ZBED4: variants seen among roughly 807,000 people sequenced by gnomAD.
The protein encoded by ZBED4 is zinc finger BED-type containing 4, also known as zinc finger BED domain-containing protein 4.
In ZBED4, 4 loss-of-function variants were observed where a neutral mutation model predicts 15.5. That is an observed-to-expected ratio of 0.26 (90% confidence interval 0.13 to 0.59). ZBED4 has a LOEUF of 0.59. Among genes scored for constraint, ZBED4 ranks in the 20% least tolerant of loss-of-function variants. The pLI, the probability that ZBED4 is intolerant of heterozygous loss-of-function variation, is 0.90. For synonymous variants in ZBED4, 692 were observed against 608.5 expected (o/e 1.14, Z -2.02); for missense variants, 1,323 against 1,461.8 (o/e 0.91, Z 1.55).
Position 49,888,402 on chromosome 22 carries a change from T to A in ZBED4, c.*1224T>A, listed in dbSNP as rs1332210272. On this transcript the variant is annotated 3_prime_UTR_variant, in exon 2 of 2. Transcript: ENST00000216268. ...TATGTTTTAGTGTATTTATAAATGG[T>A]GAACTCAGTTTCTGAAATTAAACTT... The A allele has an allele frequency of 6.0e-6, 1 of 167,264 alleles. No individual in the cohort carries two copies. Among genetic ancestry groups the A allele is most frequent in the Non-Finnish European group, 1.5e-5 (1 of 68,128 alleles). The allele number at this position is 167,264 out of a possible 1,614,324, so 10.4% of individuals were successfully genotyped here.
chr22:49,868,957 C>A (rs946049584), intron 1 of ZBED4, among the ~76,000 whole-genome samples: 73 of 131,602 alleles, frequency 5.5e-4, no homozygotes, highest in South Asian at 5.0e-4. Context: ...ACTAAAAATA[C>A]AAAAAAAAAA....
intron 1 of ZBED4, among the ~76,000 whole-genome samples, chr22:49,880,233 T>G (rs530993430): frequency 6.6e-6 from 1 of 152,274 alleles, no homozygotes; most frequent in East Asian, 1.9e-4. Flanking sequence ...CTGCTTGCTG[T>G]TCACTCTTGG....
chr22:49,886,226 A>C lies in ZBED4; in HGVS notation c.2564A>C (p.Lys855Thr). 1.1e-6 allele frequency: 1 copy of C among 884,100 alleles called. No individual in the cohort carries two copies. Among genetic ancestry groups the C allele is most frequent in the Non-Finnish European group, 1.8e-6 (1 of 547,214 alleles). 54.8% of individuals were successfully genotyped at this position (884,100 alleles called of 1,614,324 possible). The change falls in exon 2 of 2, where the codon AAG becomes ACG. Residue 855 changes from lysine (K) to threonine (T), a missense_variant. This residue lies in a region of ZBED4 where 100 missense variants were observed against 79.3 expected (regional missense o/e 1.26). Transcript: ENST00000216268. The surrounding 1 kb of genome is among the most constrained non-coding windows in gnomAD (Gnocchi z 7.7). The part of the protein sequence containing the change: ...MVQNLLSLAR[K>T]ICERVHRSPK... ...CAGAACCTGCTGAGCCTCGCCCGGA[A>C]GATCTGCGAGCGGGTGCACCGGTCG...
chr22:49,859,439 G>A (rs1050570865), intron 1 of ZBED4, among the ~76,000 whole-genome samples: 2 of 152,182 alleles, frequency 1.3e-5, no homozygotes, highest in South Asian at 2.1e-4. Flanking sequence ...TGGCCCCTGT[G>A]TCCTTTTCAC....
chr22:49,886,515 G>A lies in ZBED4; in HGVS notation c.2853G>A (p.Met951Ile), dbSNP rs2060440044. ...CGAGCCGGGAGATGAGCACGCAGAT[G>A]TCCACCCTCAGCCAGGTCATCCCCA... is the stretch of plus-strand genomic sequence containing the variant. ...EAASREMSTQ[M>I]STLSQVIPMV... Residue 951 changes from methionine to isoleucine, a missense_variant, in exon 2 of 2, where the codon ATG (methionine) becomes ATA (isoleucine). Around this residue, in one of 6 missense-constraint regions of ZBED4, gnomAD observed 312 missense variants for 410.7 expected, o/e 0.76. Transcript: ENST00000216268. This position sits in a 1 kb window ranked among gnomAD's most constrained non-coding sequence, Gnocchi z 7.7. The A allele has an allele frequency of 1.3e-6, 2 of 1,569,504 alleles. No homozygotes were observed. Among genetic ancestry groups the A allele is most frequent in the African/African-American group, 1.3e-5 (1 of 74,142 alleles).
chr22:49,869,684 C>T lies in ZBED4; in HGVS notation c.-329-13650C>T, dbSNP rs183620078. ...GCTTTCATGGAAATAATCTGATATACGTAAAAGTGGAAAGGGTAGCATAAT... is the reference window on the plus strand; with the variant it reads ...GCTTTCATGGAAATAATCTGATATATGTAAAAGTGGAAAGGGTAGCATAAT... On this transcript the variant is annotated intron_variant, in intron 1 of 1. Coordinates refer to ENST00000216268, the MANE Select transcript of ZBED4 (RefSeq NM_014838.3). 7.9e-4 allele frequency among the ~76,000 whole-genome samples: 120 copies of T among 152,192 alleles called. 1 individual carries two copies. Among genetic ancestry groups the T allele is most frequent in the African/African-American group, 2.7e-3 (114 of 41,502 alleles).
chr22:49,871,036 G>T (rs2060344789), intron 1 of ZBED4, among the ~76,000 whole-genome samples: 1 of 151,160 alleles, frequency 6.6e-6, no homozygotes, highest in Admixed American at 6.6e-5. Context: ...CATCTCCAGG[G>T]TTCAAGCAAT....
chr22:49,854,165 A>C (rs1225791820), intron 1 of ZBED4, among the ~76,000 whole-genome samples, 176 bp downstream of exon 1: 1 of 141,312 alleles, frequency 7.1e-6, no homozygotes. Flanking sequence ...GCCGCCCCGG[A>C]CCCGCCCCCG....
rs116457778 is a variant in ZBED4 at position 49,874,242 on chromosome 22, G to A, written c.-329-9092G>A. ...GGGAGCTGCACTGTTTCCCGGATGC[G>A]TCTCATAAGGCTGAAGATGTTTCCT... On this transcript the variant is annotated intron_variant, in intron 1 of 1. Transcript: ENST00000216268. Among the ~76,000 whole-genome samples the A allele has an allele frequency of 3.9e-3, 591 of 152,320 alleles. 4 individuals carry two copies. Among genetic ancestry groups the A allele is most frequent in the African/African-American group, 0.013 (527 of 41,566 alleles).
At chr22:49,872,601 C>G (rs544128272) in intron 1 of ZBED4, among the ~76,000 whole-genome samples, 17 of 152,336 alleles carry the variant, frequency 1.1e-4, no homozygotes, top group Admixed American at 2.0e-4. Context: ...ACGATCACAG[C>G]TCACTGCAGT....
intron 1 of ZBED4, among the ~76,000 whole-genome samples, chr22:49,862,480 C>A (rs983005367): frequency 6.6e-6 from 1 of 152,064 alleles, no homozygotes; most frequent in African/African-American, 2.4e-5. Context: ...TGAATAAAAT[C>A]AGTGTCTAGC....
chr22:49,876,314 T>C (rs2060376121), intron 1 of ZBED4, among the ~76,000 whole-genome samples: 1 of 152,230 alleles, frequency 6.6e-6, no homozygotes, highest in African/African-American at 2.4e-5. Flanking sequence ...GTTGTTTGAA[T>C]CTTCCGTGTC....
chr22:49,883,838 C>A lies in ZBED4; in HGVS notation c.176C>A (p.Ala59Glu). 1.2e-6 allele frequency: 2 copies of A among 1,610,342 alleles called. No individual in the cohort carries two copies. The highest frequency in any genetic ancestry group is 1.7e-6 in the Non-Finnish European group (2 of 1,177,122). ...CAGACAGACAGCGGTGGGGAGCGAG[C>A]GGGCCTCGGTGGGACGGGTTGCAGC... is the stretch of plus-strand genomic sequence containing the variant. Reference protein sequence around the residue: ...MKQTDSGGERAGLGGTGCSCK... With the variant: ...MKQTDSGGEREGLGGTGCSCK... The change falls in exon 2 of 2, where the codon GCG (alanine) becomes GAG (glutamate). Residue 59 changes from alanine (A) to glutamate (E), a missense_variant. Physicochemically the swap from Ala to Glu is moderately radical, Grantham distance 107 (BLOSUM62 -1). Around this residue, in one of 6 missense-constraint regions of ZBED4, gnomAD observed 380 missense variants for 413.7 expected, o/e 0.92. Transcript: ENST00000216268.
At chr22:49,870,276 G>A (rs1472229107) in intron 1 of ZBED4, among the ~76,000 whole-genome samples, 2 of 152,186 alleles carry the variant, frequency 1.3e-5, no homozygotes, top group Admixed American at 1.3e-4. Flanking sequence ...AAATAGTGCT[G>A]TGATGAACAT....
intron 1 of ZBED4, among the ~76,000 whole-genome samples, chr22:49,881,982 C>T (rs2060412055): frequency 6.6e-6 from 1 of 152,216 alleles, no homozygotes; most frequent in Non-Finnish European, 1.5e-5. Flanking sequence ...ATACATCTTG[C>T]TTTGCTACAG....
At chr22:49,877,042 T>C (rs904190596) in intron 1 of ZBED4, among the ~76,000 whole-genome samples, 4 of 152,206 alleles carry the variant, frequency 2.6e-5, no homozygotes, top group Non-Finnish European at 5.9e-5. Context: ...TATTTTCACA[T>C]TGAAAATCAG....
chr22:49,888,564 G>C lies in ZBED4; in HGVS notation c.*1386G>C, dbSNP rs1231031594. On this transcript the variant is annotated 3_prime_UTR_variant, in exon 2 of 2. Coordinates refer to ENST00000216268, the MANE Select transcript of ZBED4 (RefSeq NM_014838.3). ...GAAATTTCACCTTAACCCCAGACAGGGCTCCAGGGAAGTGGAGATGTAATT... is the reference window on the plus strand; with the variant it reads ...GAAATTTCACCTTAACCCCAGACAGCGCTCCAGGGAAGTGGAGATGTAATT... 3 of 167,230 alleles carry C rather than the reference G, an allele frequency of 1.8e-5. No homozygotes were observed. Among genetic ancestry groups the C allele is most frequent in the Non-Finnish European group, 4.4e-5 (3 of 68,134 alleles). 10.4% of individuals were successfully genotyped at this position (167,230 alleles called of 1,614,324 possible). A position where few individuals can be genotyped will look rare whatever the true frequency, so the allele number is the denominator to read the frequency against.
intron 1 of ZBED4, among the ~76,000 whole-genome samples, chr22:49,867,501 T>A (rs2060327704): frequency 6.6e-6 from 1 of 152,254 alleles, no homozygotes; most frequent in African/African-American, 2.4e-5. Flanking sequence ...CAGCAGCTTC[T>A]CTTCATGGGA....
intron 1 of ZBED4, among the ~76,000 whole-genome samples, chr22:49,876,639 C>T (rs966853317): frequency 4.0e-5 from 6 of 151,888 alleles, no homozygotes; most frequent in African/African-American, 1.2e-4. Flanking sequence ...GTTTTTAGCC[C>T]TTTTCCTGTT....
Sources: gnomAD v4.1 joint callset for allele counts (sites outside exome capture counted in the v4.1 genomes callset) on GRCh38, gnomAD v4.1.1 for gene constraint, gnomAD v4.1.1 regional missense constraint, Gnocchi (gnomAD v3.1) non-coding constraint, MANE v1.5 for transcripts, NCBI Gene and HGNC (gene_info 2026-07-23, HGNC 2026-07-21) for gene names.